Variants in PCDH15 observed in about 807,000 individuals in gnomAD.
The protein encoded by PCDH15 is protocadherin related 15, also known as protocadherin-15.
PCDH15 carries 129 observed loss-of-function variants against 178.5 expected under a neutral mutation model. The ratio of observed to expected loss-of-function variants is 0.72; its 90% CI spans 0.63 to 0.84. The LOEUF (loss-of-function observed/expected upper bound fraction) is 0.84, where lower values mean the gene tolerates loss of function less well. Among genes scored for constraint, PCDH15 ranks in the 40% least tolerant of loss-of-function variants. The pLI is 0.00. For missense variants in PCDH15, 2,230 were observed against 2,099.9 expected (o/e 1.06, Z -1.21); for synonymous variants, 800 against 732.0 (o/e 1.09, Z -1.50).
chr10:54,064,747 A>G (rs1306918470), intron 18 of PCDH15, among the ~76,000 whole-genome samples: 1 of 152,104 alleles, frequency 6.6e-6, no homozygotes, highest in Non-Finnish European at 1.5e-5. Flanking sequence ...CTTTGCTTCA[A>G]AATTGGAAGG....
intron 1 of PCDH15, among the ~76,000 whole-genome samples, chr10:54,734,443 T>TGG (rs1176295567): frequency 6.6e-6 from 1 of 151,886 alleles, no homozygotes; most frequent in African/African-American, 2.4e-5. Context: ...GACACACTCA[T>TGG]GCATTGCTGG....
rs143723697 is a variant in PCDH15, at chr10:54,956,583, A to C, written c.-79-59083T>G. On this transcript the variant is annotated intron_variant, in intron 2 of 5. Coordinates refer to the PCDH15 transcript ENST00000458638. ...CTATCTTACATAAACAGCAAAGAAT[A>C]GGGTATATTTAATCACGGTATATAA... 6.4e-3 allele frequency among the ~76,000 whole-genome samples: 972 copies of C among 151,700 alleles called. 9 individuals carry two copies. Among genetic ancestry groups the C allele is most frequent in the African/African-American group, 0.022 (917 of 41,510 alleles).
chr10:55,098,892 CAATGAG>C (rs1259345252), intron 2 of PCDH15, among the ~76,000 whole-genome samples: 1 of 57,344 alleles, frequency 1.7e-5, no homozygotes, highest in Non-Finnish European at 3.2e-5. Flanking sequence ...ATTAAAACTT[CAATGAG>C]AGAGAGAGAG....
intron 2 of PCDH15, among the ~76,000 whole-genome samples, chr10:54,538,250 T>C (rs117580117): frequency 0.018 from 2,681 of 152,266 alleles, 31 homozygotes; most frequent in Non-Finnish European, 0.028. Flanking sequence ...GCTTGAGGTC[T>C]TACACTTAAA....
intron 2 of PCDH15, among the ~76,000 whole-genome samples, chr10:55,551,070 C>A (rs1423241389): frequency 1.3e-5 from 2 of 152,034 alleles, no homozygotes; most frequent in Admixed American, 1.3e-4. Flanking sequence ...ATAATAGGCA[C>A]ATACTTAATA....
chr10:54,717,429 C>T (rs2095494431), intron 1 of PCDH15, among the ~76,000 whole-genome samples: 1 of 142,680 alleles, frequency 7.0e-6, no homozygotes, highest in Non-Finnish European at 1.5e-5. Context: ...AAACAAACAA[C>T]CCCATCAAAA....
chr10:54,802,287 C>T (rs1952686696), upstream of PCDH15, among the ~76,000 whole-genome samples: 1 of 152,128 alleles, frequency 6.6e-6, no homozygotes. Context: ...TCATTTAAAA[C>T]AAAATGGACT....
At chr10:54,729,812 T>A (rs1943089395) in intron 1 of PCDH15, among the ~76,000 whole-genome samples, 1 of 151,420 alleles carries the variant, frequency 6.6e-6, no homozygotes, top group African/African-American at 2.4e-5. Flanking sequence ...ATTCTCATCA[T>A]CAATAATAAG....
In PCDH15 at chr10:54,398,741, C is replaced by T. The variant is rs146070885; in HGVS notation, c.158-19799G>A. ...TATTTGCTTATTTGTTGTTTTAAAT[C>T]AGAAAAAAAACCCCAAATATTCTGG... On this transcript the variant is annotated intron_variant, in intron 3 of 37. Transcript: ENST00000644397. Among the ~76,000 whole-genome samples, 151 of 151,718 alleles carry T rather than the reference C, an allele frequency of 1.0e-3. 1 individual carries two copies. In the East Asian group the frequency reaches 0.027, roughly 27 times the overall value.
intron 18 of PCDH15, among the ~76,000 whole-genome samples, chr10:54,024,524 A>T (rs1468833223): frequency 1.3e-5 from 2 of 152,176 alleles, no homozygotes. Flanking sequence ...TGAAACAAGA[A>T]TGTCTAAGAT....
chr10:55,507,377 AACAC>A (rs970788731), intron 2 of PCDH15, among the ~76,000 whole-genome samples: 50 of 151,040 alleles, frequency 3.3e-4, no homozygotes, highest in African/African-American at 1.1e-3. Flanking sequence ...CACATACACA[AACAC>A]ACACACGCAC....
intron 2 of PCDH15, among the ~76,000 whole-genome samples, chr10:55,016,420 GC>G (rs1414222766): frequency 6.6e-6 from 1 of 151,858 alleles, no homozygotes; most frequent in Non-Finnish European, 1.5e-5. Context: ...ACCTTCCCCA[GC>G]CCCCGGTAAC....
At chr10:54,656,845 G>T (rs1392799533) in intron 2 of PCDH15, among the ~76,000 whole-genome samples, 1 of 152,166 alleles carries the variant, frequency 6.6e-6, no homozygotes, top group Non-Finnish European at 1.5e-5. Flanking sequence ...AATGGATATG[G>T]AGAGGTAGTC....
intron 1 of PCDH15, among the ~76,000 whole-genome samples, chr10:54,758,673 T>C (rs1947479205): frequency 1.3e-5 from 2 of 152,172 alleles, no homozygotes; most frequent in Non-Finnish European, 1.5e-5. Flanking sequence ...TTGAATTAAT[T>C]CTAGTTGTAG....
intron 8 of PCDH15, among the ~76,000 whole-genome samples, chr10:54,254,413 G>T (rs10763090): frequency 0.69 from 104,202 of 151,936 alleles, 36,701 homozygotes; most frequent in Middle Eastern, 0.76. Context: ...GAAAATAAAG[G>T]TTCATTTTTT....
intron 9 of PCDH15, among the ~76,000 whole-genome samples, chr10:54,224,975 A>T (rs562169296): frequency 6.6e-6 from 1 of 152,270 alleles, no homozygotes; most frequent in East Asian, 1.9e-4. Context: ...TAACTGTGTA[A>T]TAGCCACCAA....
chr10:55,176,568 T>C (rs1000350625), intron 1 of PCDH15, among the ~76,000 whole-genome samples: 1 of 152,200 alleles, frequency 6.6e-6, no homozygotes, highest in Non-Finnish European at 1.5e-5. Flanking sequence ...GATAACTTGA[T>C]GTTCCAGGGC....
chr10:54,405,113 G>GA (rs112961528), intron 3 of PCDH15, among the ~76,000 whole-genome samples: 2,983 of 152,100 alleles, frequency 0.02, 104 homozygotes, highest in African/African-American at 0.066. Context: ...ACGGACCTGA[G>GA]AACAGAAATA....
chr10:53,917,153 G>C (rs927722056), intron 25 of PCDH15, among the ~76,000 whole-genome samples: 4 of 152,034 alleles, frequency 2.6e-5, no homozygotes, highest in African/African-American at 9.7e-5. Context: ...TATTAAATAT[G>C]CATACTTTTG....
Sources: allele counts gnomAD v4.1 joint callset (sites outside exome capture counted in the v4.1 genomes callset), GRCh38; gene constraint gnomAD v4.1.1; transcripts MANE v1.5; gene names NCBI Gene and HGNC (gene_info 2026-07-23, HGNC 2026-07-21).